Variants in CLIP2 observed in about 807,000 individuals in gnomAD.
The protein encoded by CLIP2 is CAP-Gly domain containing linker protein 2.
CLIP2 carries 41 observed loss-of-function variants against 111.7 expected under a neutral mutation model. The ratio of observed to expected loss-of-function variants is 0.37; its 90% CI spans 0.29 to 0.48. The LOEUF is 0.48. Among genes scored for constraint, CLIP2 ranks in the 20% least tolerant of loss-of-function variants. CLIP2 has a pLI of 0.99. For synonymous variants in CLIP2, 660 were observed against 644.2 expected (o/e 1.02, Z -0.37); for missense variants, 1,160 against 1,422.1 (o/e 0.82, Z 2.96).
intron 10 of CLIP2, among the ~76,000 whole-genome samples, chr7:74,378,022 C>T (rs916388518): frequency 2.6e-5 from 4 of 152,088 alleles, no homozygotes; most frequent in Non-Finnish European, 4.4e-5. Context: ...GGTGGGGTTT[C>T]GCCAGGTAGT....
intron 7 of CLIP2, among the ~76,000 whole-genome samples, chr7:74,362,987 G>C (rs868958062): frequency 2.0e-5 from 3 of 151,766 alleles, no homozygotes; most frequent in Admixed American, 6.6e-5. Context: ...GGAGGCCCTA[G>C]GAAGAGCAGC....
At chr7:74,310,640 T>C (rs1190035098) in intron 1 of CLIP2, among the ~76,000 whole-genome samples, 1 of 152,218 alleles carries the variant, frequency 6.6e-6, no homozygotes, top group East Asian at 1.9e-4. Context: ...AACACTTGTT[T>C]ATAAAACTTT....
intron 1 of CLIP2, among the ~76,000 whole-genome samples, chr7:74,307,821 G>C (rs573793656): frequency 6.6e-6 from 1 of 152,154 alleles, no homozygotes. Context: ...GAGGCTGCTG[G>C]GGGGTGGTTC....
intron 7 of CLIP2, among the ~76,000 whole-genome samples, chr7:74,361,098 C>A (rs1326227100): frequency 1.3e-5 from 2 of 149,466 alleles, no homozygotes; most frequent in Non-Finnish European, 3.0e-5. Context: ...TCCTGGGAAT[C>A]CATTTCCCCT....
At chr7:74,372,240 T>C (rs1790646150) in intron 8 of CLIP2, among the ~76,000 whole-genome samples, 1 of 151,802 alleles carries the variant, frequency 6.6e-6, no homozygotes, top group African/African-American at 2.4e-5. Context: ...AGACCAGGCG[T>C]CCTCTGTGGG....
intron 9 of CLIP2, among the ~76,000 whole-genome samples, chr7:74,374,322 T>C (rs534613835): frequency 6.6e-6 from 1 of 152,220 alleles, no homozygotes; most frequent in African/African-American, 2.4e-5. Flanking sequence ...TACACACTCA[T>C]GTGCATGAAG....
At chr7:74,303,426 G>T (rs1788392153) in intron 1 of CLIP2, among the ~76,000 whole-genome samples, 1 of 152,092 alleles carries the variant, frequency 6.6e-6, no homozygotes, top group Non-Finnish European at 1.5e-5. Flanking sequence ...GCATTGGGGT[G>T]CTGGGTAGGG....
At chr7:74,358,425 C>G (rs1390708138) in intron 6 of CLIP2, among the ~76,000 whole-genome samples, 4 of 151,986 alleles carry the variant, frequency 2.6e-5, no homozygotes, top group Non-Finnish European at 4.4e-5. Flanking sequence ...TGGTCTCGAA[C>G]TCCTGGCCTC....
At chr7:74,397,338 C>A in intron 14 of CLIP2, 105 bp downstream of exon 14, 1 of 1,202,942 alleles carries the variant, frequency 8.3e-7, no homozygotes, top group East Asian at 2.5e-5. Flanking sequence ...GGAATGACCC[C>A]AGGGACAGCT....
In CLIP2 at chr7:74,338,551, C is replaced by T. The variant is rs1789549418; in HGVS notation, c.225C>T (p.Phe75=). The change falls in exon 3 of 17, where the codon TTC becomes TTT. Residue 75 remains phenylalanine (F), a synonymous_variant. Transcript: ENST00000223398. This position sits in a 1 kb window ranked among gnomAD's most constrained non-coding sequence, Gnocchi z 4.3. ...AGGCGGCGGAAGTGGGGGATGACTT[C>T]CTGGGGGACTTTGTGGTGGGCGAGC... ...GPKAAEVGDD[F]LGDFVVGERV... The T allele has an allele frequency of 6.3e-7, 1 of 1,594,950 alleles. No homozygotes were observed. Among genetic ancestry groups the T allele is most frequent in the Non-Finnish European group, 8.5e-7 (1 of 1,171,940 alleles).
chr7:74,298,904 GA>G (rs1788247636), intron 1 of CLIP2, among the ~76,000 whole-genome samples: 1 of 152,168 alleles, frequency 6.6e-6, no homozygotes, highest in Non-Finnish European at 1.5e-5. Context: ...GGCATTCTAG[GA>G]ACCCGGCATG....
At chr7:74,399,540 T>A (rs1360646273) in intron 14 of CLIP2, among the ~76,000 whole-genome samples, 1 of 16,304 alleles carries the variant, frequency 6.1e-5, no homozygotes, top group Non-Finnish European at 1.3e-4. Context: ...TCAGTCTTTT[T>A]TTGGGGGGGG....
chr7:74,342,951 C>T (rs932220085), intron 3 of CLIP2, among the ~76,000 whole-genome samples: 5 of 151,116 alleles, frequency 3.3e-5, no homozygotes, highest in Non-Finnish European at 7.4e-5. Context: ...AGGAGAATGG[C>T]GTGAACCTGG....
In CLIP2 at chr7:74,334,036, C is replaced by T. The variant is rs528411483; in HGVS notation, c.122-4412C>T. 5.3e-5 allele frequency among the ~76,000 whole-genome samples: 8 copies of T among 152,252 alleles called. No homozygotes were observed. The South Asian group carries it at 1.2e-3, about 24-fold the overall frequency. ...ACGTAGGACATGGAGAATGTCAGCGCTGGAAAGGACCTTAGCTATTTCTGA... is the reference window on the plus strand; with the variant it reads ...ACGTAGGACATGGAGAATGTCAGCGTTGGAAAGGACCTTAGCTATTTCTGA... On this transcript the variant is annotated intron_variant, in intron 2 of 16. Transcript: ENST00000223398.
At position 74,330,248 on chromosome 7, in the gene CLIP2, C is replaced by CTTTTT. The variant is rs10635770; in HGVS notation, c.122-8190_122-8186dup. On this transcript the variant is annotated intron_variant, in intron 2 of 16. Coordinates refer to ENST00000223398, the MANE Select transcript of CLIP2 (RefSeq NM_003388.5). ...CTAGCTTCCTCTTGGTGTTTCTTTT[C>CTTTTT]TTTTTTTTTTTTTTCTTTCTTTTTT... 2.3e-4 allele frequency among the ~76,000 whole-genome samples: 31 copies of CTTTTT among 136,446 alleles called. 1 individual carries two copies. The highest frequency in any genetic ancestry group is 4.3e-4 in the African/African-American group (16 of 37,616). The allele number at this position is 136,446 out of a possible 152,430, so 89.5% of individuals were successfully genotyped here.
At chr7:74,357,180 T>G in intron 5 of CLIP2, 100 bp from the exon 6 acceptor site, 1 of 1,041,202 alleles carries the variant, frequency 9.6e-7, no homozygotes. Context: ...GCACTTGGGC[T>G]CCCACCTGCT....
chr7:74,360,189 C>A lies in CLIP2; in HGVS notation c.1230C>A (p.Ala410=). 1 of 1,604,774 alleles carries A rather than the reference C, an allele frequency of 6.2e-7. No homozygotes were observed. The change falls in exon 7 of 17, where the codon GCC becomes GCA. Residue 410 remains alanine, a synonymous_variant. Coordinates refer to ENST00000223398, the MANE Select transcript of CLIP2 (RefSeq NM_003388.5). ...TGGGGGCCCAGTATGTTGCAGAAGCCGAGGAGAAGCTGCAGCGAGCCCGGC... is the reference window on the plus strand; with the variant it reads ...TGGGGGCCCAGTATGTTGCAGAAGCAGAGGAGAAGCTGCAGCGAGCCCGGC... ...KAQHEQYVAE[A]EEKLQRARLL...
chr7:74,387,756 C>G (rs942910612), intron 12 of CLIP2, among the ~76,000 whole-genome samples: 3 of 152,192 alleles, frequency 2.0e-5, no homozygotes, highest in Admixed American at 6.6e-5. Flanking sequence ...TGTAAACACA[C>G]GTGTGATATC....
intron 1 of CLIP2, among the ~76,000 whole-genome samples, chr7:74,305,268 G>C (rs1288062451): frequency 6.7e-6 from 1 of 148,934 alleles, no homozygotes; most frequent in Non-Finnish European, 1.5e-5. Flanking sequence ...CCCTGGGTTT[G>C]CATTTTCCTG....
Sources: allele counts gnomAD v4.1 joint callset (sites outside exome capture counted in the v4.1 genomes callset), GRCh38; gene constraint gnomAD v4.1.1; non-coding constraint Gnocchi (gnomAD v3.1); transcripts MANE v1.5; gene names NCBI Gene and HGNC (gene_info 2026-07-23, HGNC 2026-07-21).